Variants in DOCK2 observed in about 807,000 individuals in gnomAD.
The protein encoded by DOCK2 is dedicator of cytokinesis protein 2.
A neutral mutation model predicts 248.9 loss-of-function variants in DOCK2; 87 were observed. The observed-to-expected ratio is 0.35, with a 90% CI of 0.29 to 0.42. DOCK2 has a LOEUF of 0.42. DOCK2 is among the 10% of genes least tolerant of loss of function. The pLI is 1.00. For missense variants in DOCK2, 1,747 were observed against 2,300.2 expected (o/e 0.76, Z 4.92); for synonymous variants, 805 against 821.6 (o/e 0.98, Z 0.35).
intron 2 of DOCK2, among the ~76,000 whole-genome samples, chr5:169,658,628 A>G (rs952208617): frequency 5.3e-5 from 8 of 152,022 alleles, no homozygotes; most frequent in African/African-American, 1.9e-4. Context: ...CTGGAATGAT[A>G]TTAATAGTGT....
intron 30 of DOCK2, among the ~76,000 whole-genome samples, chr5:170,006,723 A>T (rs1284348315): frequency 6.6e-6 from 1 of 152,196 alleles, no homozygotes; most frequent in Non-Finnish European, 1.5e-5. Flanking sequence ...GAGGCCAGGG[A>T]TCGCTGTCTG....
chr5:169,972,275 A>C (rs1777531584), intron 27 of DOCK2, among the ~76,000 whole-genome samples: 1 of 152,112 alleles, frequency 6.6e-6, no homozygotes, highest in Admixed American at 6.5e-5. Context: ...TACCTATAGC[A>C]TGCATTTTGC....
intron 27 of DOCK2, among the ~76,000 whole-genome samples, chr5:169,891,621 A>C (rs553569656): frequency 2.3e-4 from 35 of 151,736 alleles, no homozygotes; most frequent in African/African-American, 8.2e-4. Flanking sequence ...CACGAAGACA[A>C]CCCCCCTCAT....
intron 27 of DOCK2, among the ~76,000 whole-genome samples, chr5:169,900,180 G>A (rs935676144): frequency 6.6e-6 from 1 of 152,180 alleles, no homozygotes; most frequent in South Asian, 2.1e-4. Context: ...GTAATAGGCA[G>A]CACGGTAAGA....
intron 26 of DOCK2, among the ~76,000 whole-genome samples, chr5:169,820,990 G>A (rs1411656075): frequency 1.3e-5 from 2 of 152,198 alleles, no homozygotes; most frequent in Non-Finnish European, 2.9e-5. Context: ...TTCAGTAGCC[G>A]ATTCAATCAA....
At chr5:169,686,693 C>T (rs1441634429) in intron 8 of DOCK2, among the ~76,000 whole-genome samples, 2 of 152,188 alleles carry the variant, frequency 1.3e-5, no homozygotes, top group Non-Finnish European at 1.5e-5. Context: ...GAACAACAGG[C>T]AGGTTAAGAC....
intron 30 of DOCK2, among the ~76,000 whole-genome samples, chr5:170,002,751 C>T (rs1754883628): frequency 6.6e-6 from 1 of 150,960 alleles, no homozygotes; most frequent in Non-Finnish European, 1.5e-5. Context: ...AAATTTATTC[C>T]AGTTCTAACT....
chr5:170,083,112 C>A lies in DOCK2; in HGVS notation c.*254C>A. On this transcript the variant is annotated 3_prime_UTR_variant, in exon 52 of 52. Transcript: ENST00000520908. ...TGAACTCAAGGTACCAGCAAGAATG[C>A]CTTCTCCCAGTGTGCTCTCCCCAAC... 1 of 497,548 alleles carries A rather than the reference C, an allele frequency of 2.0e-6. No homozygotes were observed. The highest frequency in any genetic ancestry group is 2.8e-5 in the South Asian group (1 of 35,472). The allele number at this position is 497,548 out of a possible 1,614,324, so 30.8% of individuals were successfully genotyped here. A position where few individuals can be genotyped will look rare whatever the true frequency, so the allele number is the denominator to read the frequency against.
intron 34 of DOCK2, among the ~76,000 whole-genome samples, chr5:170,031,147 G>A (rs1301156646): frequency 6.6e-6 from 1 of 152,228 alleles, no homozygotes; most frequent in Non-Finnish European, 1.5e-5. Context: ...CTGCCTTTCT[G>A]TATTTCATTC....
intron 9 of DOCK2, among the ~76,000 whole-genome samples, chr5:169,689,566 G>C (rs993472799): frequency 6.6e-6 from 1 of 152,126 alleles, no homozygotes; most frequent in African/African-American, 2.4e-5. Context: ...TCTCACTCCT[G>C]CACACACAGA....
chr5:169,663,484 G>A (rs1009546998), intron 2 of DOCK2, among the ~76,000 whole-genome samples: 2 of 152,220 alleles, frequency 1.3e-5, no homozygotes, highest in Admixed American at 6.5e-5. Flanking sequence ...CCTAGTAGAG[G>A]TTATCCATGA....
intron 32 of DOCK2, among the ~76,000 whole-genome samples, chr5:170,015,522 T>A (rs1458098883): frequency 6.6e-6 from 1 of 152,170 alleles, no homozygotes; most frequent in Non-Finnish European, 1.5e-5. Context: ...CAAAGATCGG[T>A]GGATCTGTGT....
At chr5:169,869,052 G>C (rs1771774239) in intron 27 of DOCK2, among the ~76,000 whole-genome samples, 1 of 152,184 alleles carries the variant, frequency 6.6e-6, no homozygotes, top group Non-Finnish European at 1.5e-5. Flanking sequence ...GTGCAGATGG[G>C]ATGCAATAGC....
At chr5:169,689,886 A>G (rs1348506070) in intron 9 of DOCK2, among the ~76,000 whole-genome samples, 1 of 152,244 alleles carries the variant, frequency 6.6e-6, no homozygotes, top group Non-Finnish European at 1.5e-5. Context: ...ACATGTACGT[A>G]GAAATGTTGA....
rs567632870 is a variant in DOCK2, at chr5:169,807,816, A to G, written c.2703+4610A>G. ...GGCACTGCAATCCAGCCTGGGAGACAGAGCAAGACTCTGTCTCAAAAAAAA... is the reference window on the plus strand; with the variant it reads ...GGCACTGCAATCCAGCCTGGGAGACGGAGCAAGACTCTGTCTCAAAAAAAA... On this transcript the variant is annotated intron_variant, in intron 26 of 51. Coordinates refer to ENST00000520908, the MANE Select transcript of DOCK2 (RefSeq NM_004946.3). 8.7e-5 allele frequency among the ~76,000 whole-genome samples: 12 copies of G among 138,698 alleles called. No individual in the cohort carries two copies. The South Asian group carries it at 2.8e-3, about 32-fold the overall frequency. 91.0% of individuals were successfully genotyped at this position (138,698 alleles called of 152,430 possible). A position where few individuals can be genotyped will look rare whatever the true frequency, so the allele number is the denominator to read the frequency against.
intron 2 of DOCK2, among the ~76,000 whole-genome samples, chr5:169,667,560 C>A (rs1239501058): frequency 5.9e-5 from 9 of 152,302 alleles, no homozygotes; most frequent in Middle Eastern, 3.4e-3. Context: ...TGAAAAGGGG[C>A]AACTAAAGGA....
At chr5:169,903,045 C>T (rs1774026433) in intron 27 of DOCK2, among the ~76,000 whole-genome samples, 2 of 151,808 alleles carry the variant, frequency 1.3e-5, no homozygotes, top group Admixed American at 1.3e-4. Flanking sequence ...TTGCAGTGAG[C>T]TGAGATCACG....
At position 169,823,324 on chromosome 5, in the gene DOCK2, A is replaced by G. The variant is rs1768605145; in HGVS notation, c.2704-17433A>G. Among the ~76,000 whole-genome samples, 5 of 152,134 alleles carry G rather than the reference A, an allele frequency of 3.3e-5. No individual in the cohort carries two copies. In the South Asian group the frequency reaches 1.0e-3, roughly 32 times the overall value. On this transcript the variant is annotated intron_variant, in intron 26 of 51. Transcript: ENST00000520908. ...CTGGCAGAGACACAACCAAAAAAGA[A>G]AATTTTAAACCAATATCCCTGATGA...
chr5:169,697,672 G>C (rs1011872612), intron 10 of DOCK2, among the ~76,000 whole-genome samples: 11 of 152,134 alleles, frequency 7.2e-5, no homozygotes, highest in African/African-American at 2.7e-4. Context: ...GTCAGTGGTT[G>C]ATTATTACCC....
Sources: gnomAD v4.1 joint callset for allele counts (sites outside exome capture counted in the v4.1 genomes callset) on GRCh38, gnomAD v4.1.1 for gene constraint, MANE v1.5 for transcripts, NCBI Gene and HGNC (gene_info 2026-07-23, HGNC 2026-07-21) for gene names.